Variants in ALPK3 observed in about 807,000 individuals in gnomAD.
ALPK3 encodes the protein alpha kinase 3, also known as alpha-protein kinase 3.
In ALPK3, 102 loss-of-function variants were observed where a neutral mutation model predicts 140.0. The observed-to-expected ratio is 0.73, with a 90% confidence interval of 0.62 to 0.86. ALPK3 has a LOEUF of 0.86. Ranked by LOEUF, ALPK3 falls within the 40% of genes least tolerant of loss-of-function variation. The probability of loss-of-function intolerance (pLI) is 0.00; values close to 1 mark genes in which losing one functional copy is unlikely to be tolerated. For synonymous variants in ALPK3, 938 were observed against 898.5 expected (o/e 1.04, Z -0.79); for missense variants, 2,254 against 2,208.2 (o/e 1.02, Z -0.42).
rs1431008714 is a variant in ALPK3 at position 84,872,927 on chromosome 15, A to T, written c.*4471A>T. 1 of 152,258 alleles carries T rather than the reference A, an allele frequency of 6.6e-6. No homozygotes were observed. The highest frequency in any genetic ancestry group is 1.9e-4 in the East Asian group (1 of 5,206). 9.4% of individuals were successfully genotyped at this position (152,258 alleles called of 1,614,324 possible). A position where few individuals can be genotyped will look rare whatever the true frequency, so the allele number is the denominator to read the frequency against. On this transcript the variant is annotated 3_prime_UTR_variant, in exon 14 of 14. Coordinates refer to ENST00000258888, the MANE Select transcript of ALPK3 (RefSeq NM_020778.5). Reference sequence around the variant, plus strand: ...TTGACTTTACCTTGGCACTTGAGACAGAACTGTTGGCCCAGAAGTCTTTAG... The same window carrying T: ...TTGACTTTACCTTGGCACTTGAGACTGAACTGTTGGCCCAGAAGTCTTTAG...
At chr15:84,853,061 C>T (rs192002397) in intron 5 of ALPK3, among the ~76,000 whole-genome samples, 5 of 152,268 alleles carry the variant, frequency 3.3e-5, no homozygotes, top group Admixed American at 6.5e-5. Context: ...GCTGAGAGTG[C>T]GTTAGGAGTG....
In ALPK3 at chr15:84,868,600, C is replaced by T. The variant is rs972965412; in HGVS notation, c.*144C>T. 1.2e-4 allele frequency: 91 copies of T among 786,582 alleles called. No individual in the cohort carries two copies. The highest frequency in any genetic ancestry group is 1.7e-4 in the Non-Finnish European group (86 of 508,334). 48.7% of individuals were successfully genotyped at this position (786,582 alleles called of 1,614,324 possible). A position where few individuals can be genotyped will look rare whatever the true frequency, so the allele number is the denominator to read the frequency against. On this transcript the variant is annotated 3_prime_UTR_variant, in exon 14 of 14. Transcript: ENST00000258888. ...TTGGGGACCTCTCTGAGCAGGCTCT[C>T]GTGAATCAGCTCGTCATCAGATGGC... is the stretch of plus-strand genomic sequence containing the variant.
At position 84,856,433 on chromosome 15, in the gene ALPK3, C is replaced by T; in HGVS notation, c.1695C>T (p.Ala565=). 1 of 1,610,724 alleles carries T rather than the reference C, an allele frequency of 6.2e-7. No homozygotes were observed. The highest frequency in any genetic ancestry group is 8.5e-7 in the Non-Finnish European group (1 of 1,178,638). The change falls in exon 6 of 14, where the codon GCC becomes GCT. Residue 565 remains alanine, a synonymous_variant. Transcript: ENST00000258888. ...CAACCACGGCTCCTACCATGTCGGC[C>T]AGCAGCAGCTCTGATGTAGCCTCCA... The part of the protein sequence containing the change: ...CQTTTAPTMS[A]SSSSDVASIG...
chr15:84,827,739 C>T, intron 3 of ALPK3, 134 bp downstream of exon 3: 1 of 1,305,624 alleles, frequency 7.7e-7, no homozygotes, highest in African/African-American at 1.5e-5. Context: ...ACTTTCTGAG[C>T]TTTCTCTCTA....
At chr15:84,852,268 G>T (rs1232367089) in intron 5 of ALPK3, among the ~76,000 whole-genome samples, 1 of 152,146 alleles carries the variant, frequency 6.6e-6, no homozygotes, top group African/African-American at 2.4e-5. Context: ...CAGGACAGTT[G>T]ATCTGGTAAC....
intron 1 of ALPK3, among the ~76,000 whole-genome samples, chr15:84,820,117 AT>A (rs1567085487): frequency 2.0e-5 from 3 of 151,958 alleles, no homozygotes; most frequent in Non-Finnish European, 4.4e-5. Context: ...AGGGGCCAAA[AT>A]TGAGTAGAAG....
rs541903958 is a variant in ALPK3, at chr15:84,840,722, G to C, written c.1443G>C (p.Lys481Asn). The change falls in exon 5 of 14, where the codon AAG (lysine) becomes AAC (asparagine). Residue 481 changes from lysine to asparagine, a missense_variant. This residue lies in a region of ALPK3 where 2,088 missense variants were observed against 2,022.9 expected (regional missense o/e 1.03). Transcript: ENST00000258888. ...AGCCGACTAGGCCTTTCAACAGAAA[G>C]AGATTTGCCCCTCCAAAGCCCAAAG... ...TPQPTRPFNR[K>N]RFAPPKPKGE... The C allele has an allele frequency of 6.2e-7, 1 of 1,613,606 alleles. No homozygotes were observed. The highest frequency in any genetic ancestry group is 1.1e-5 in the South Asian group (1 of 91,046).
At chr15:84,849,557 A>G (rs1347875251) in intron 5 of ALPK3, among the ~76,000 whole-genome samples, 1 of 152,238 alleles carries the variant, frequency 6.6e-6, no homozygotes, top group African/African-American at 2.4e-5. Flanking sequence ...AAATAATACA[A>G]AGTATGTACT....
intron 13 of ALPK3, 94 bp from the exon 14 acceptor site, chr15:84,868,017 A>G: frequency 2.4e-6 from 3 of 1,269,688 alleles, no homozygotes; most frequent in Non-Finnish European, 3.3e-6. Flanking sequence ...TACCCTGAGC[A>G]CGACATCCTG....
At chr15:84,848,166 C>G (rs567043186) in intron 5 of ALPK3, among the ~76,000 whole-genome samples, 1 of 150,816 alleles carries the variant, frequency 6.6e-6, no homozygotes, top group South Asian at 2.1e-4. Context: ...GAAAGAAGGG[C>G]AATGGAAATG....
intron 5 of ALPK3, among the ~76,000 whole-genome samples, chr15:84,847,262 T>C (rs1157166730): frequency 9.7e-6 from 1 of 103,078 alleles, no homozygotes; most frequent in Admixed American, 1.0e-4. Flanking sequence ...ATCAGAAAAA[T>C]CAATGAACAG....
chr15:84,868,292 C>A lies in ALPK3; in HGVS notation c.4954C>A (p.Leu1652Met), dbSNP rs139738663. Residue 1652 changes from leucine to methionine, a missense_variant, in exon 14 of 14, where the codon CTG (leucine) becomes ATG (methionine). By Grantham distance (15) the Leu-to-Met change is conservative. Around this residue, in one of 3 missense-constraint regions of ALPK3, gnomAD observed 158 missense variants for 159.8 expected, o/e 0.99. Coordinates refer to ENST00000258888, the MANE Select transcript of ALPK3 (RefSeq NM_020778.5). The part of the protein sequence containing the change: ...SPSAGRKGSQ[L>M]SPQPQKKGLP... The stretch of plus-strand genomic sequence containing the variant: ...ATCTGCTGGCAGGAAAGGCTCCCAG[C>A]TGAGTCCTCAGCCCCAGAAGAAAGG... 12 of 1,614,116 alleles carry A rather than the reference C, an allele frequency of 7.4e-6. No homozygotes were observed. The African/African-American group carries it at 1.5e-4, about 20-fold the overall frequency.
At position 84,856,609 on chromosome 15, in the gene ALPK3, G is replaced by A. The variant is rs1009518459; in HGVS notation, c.1871G>A (p.Gly624Glu). ...ATACAAGTGGATGGAAGGACCAGGG[G>A]AGATGGAACACAGACAGCCCAGAGG... ...GKIQVDGRTR[G>E]DGTQTAQRTR... is the part of the protein sequence containing the mutation. The change falls in exon 6 of 14, where the codon GGA becomes GAA. Residue 624 changes from glycine (G) to glutamate (E), a missense_variant. Gly to Glu is a moderately conservative substitution (Grantham distance 98, BLOSUM62 -2). Around this residue, in one of 3 missense-constraint regions of ALPK3, gnomAD observed 2,088 missense variants for 2,022.9 expected, o/e 1.03. Transcript: ENST00000258888. 1 of 1,614,154 alleles carries A rather than the reference G, an allele frequency of 6.2e-7. No individual in the cohort carries two copies. The highest frequency in any genetic ancestry group is 1.1e-5 in the South Asian group (1 of 91,082).
At chr15:84,823,468 G>A in intron 2 of ALPK3, 100 bp downstream of exon 2, 1 of 1,370,220 alleles carries the variant, frequency 7.3e-7, no homozygotes. Context: ...CAGGCTGCAT[G>A]GGGTGAGGGG....
At chr15:84,860,178 C>T in intron 9 of ALPK3, 106 bp downstream of exon 9, 5 of 1,353,684 alleles carry the variant, frequency 3.7e-6, no homozygotes, top group Non-Finnish European at 5.2e-6. Flanking sequence ...TACTGCTCCT[C>T]TTTGCCTCTT....
chr15:84,836,086 G>T (rs1237016683), intron 3 of ALPK3, among the ~76,000 whole-genome samples: 1 of 152,248 alleles, frequency 6.6e-6, no homozygotes, highest in Non-Finnish European at 1.5e-5. Flanking sequence ...AGACAGCATT[G>T]CTGCTTTACA....
chr15:84,848,756 T>C (rs922137980), intron 5 of ALPK3, among the ~76,000 whole-genome samples: 2 of 152,034 alleles, frequency 1.3e-5, no homozygotes, highest in Admixed American at 1.3e-4. Context: ...CAGTTACAAG[T>C]AAAATAATAG....
chr15:84,819,145 T>C (rs1186767207), intron 1 of ALPK3, among the ~76,000 whole-genome samples: 1 of 152,240 alleles, frequency 6.6e-6, no homozygotes, highest in Non-Finnish European at 1.5e-5. Flanking sequence ...TGCTGCTGCC[T>C]GGCTGAGCAG....
chr15:84,827,459 C>G, intron 2 of ALPK3, 25 bp from the exon 3 acceptor site: 1 of 1,613,616 alleles, frequency 6.2e-7, no homozygotes, highest in Non-Finnish European at 8.5e-7. Flanking sequence ...AAGGCCAGCT[C>G]TGAATAGCTC....
Sources: allele counts gnomAD v4.1 joint callset (sites outside exome capture counted in the v4.1 genomes callset), GRCh38; gene constraint gnomAD v4.1.1; regional missense constraint gnomAD v4.1.1; transcripts MANE v1.5; gene names NCBI Gene and HGNC (gene_info 2026-07-23, HGNC 2026-07-21).